Variants in TBC1D22A observed in about 807,000 individuals in gnomAD.
TBC1D22A encodes the protein putative GTPase activator.
In TBC1D22A, 38 loss-of-function variants were observed where a neutral mutation model predicts 60.2. The observed-to-expected ratio is 0.63, with a 90% CI of 0.49 to 0.83. The LOEUF (loss-of-function observed/expected upper bound fraction) is 0.83. TBC1D22A is among the 40% of genes least tolerant of loss of function. The pLI is 0.00. For missense variants in TBC1D22A, 628 were observed against 701.0 expected, an observed-to-expected ratio of 0.90 and a Z score of 1.18; for synonymous variants, 302 against 281.7, an observed-to-expected ratio of 1.07 and a Z score of -0.72.
intron 4 of TBC1D22A, among the ~76,000 whole-genome samples, chr22:46,841,849 C>G (rs978976161): frequency 1.3e-5 from 2 of 152,108 alleles, no homozygotes; most frequent in African/African-American, 4.8e-5. Context: ...TTACCACACA[C>G]GCACACAAGG....
intron 4 of TBC1D22A, among the ~76,000 whole-genome samples, chr22:46,862,506 T>C (rs1313860988): frequency 6.6e-6 from 1 of 152,202 alleles, no homozygotes; most frequent in African/African-American, 2.4e-5. Context: ...GCCTGCAACC[T>C]TGGTTGAAAA....
chr22:47,148,237 GACA>G (rs1387111172), intron 12 of TBC1D22A, among the ~76,000 whole-genome samples: 1 of 151,884 alleles, frequency 6.6e-6, no homozygotes, highest in African/African-American at 2.4e-5. Flanking sequence ...CTGCCATAGT[GACA>G]ACGTCTGGGG....
At chr22:47,139,466 C>G (rs1239361367) in intron 12 of TBC1D22A, among the ~76,000 whole-genome samples, 1 of 152,176 alleles carries the variant, frequency 6.6e-6, no homozygotes, top group African/African-American at 2.4e-5. Context: ...AGGGGCTGGT[C>G]GGGGCGGCCT....
intron 1 of TBC1D22A, among the ~76,000 whole-genome samples, chr22:46,790,191 G>C (rs754883265): frequency 2.8e-4 from 42 of 152,232 alleles, no homozygotes; most frequent in Non-Finnish European, 2.4e-4. Flanking sequence ...CGTTTTCCCT[G>C]CTCTCTCCAG....
intron 4 of TBC1D22A, among the ~76,000 whole-genome samples, chr22:46,827,458 G>A (rs575496928): frequency 6.6e-6 from 1 of 152,198 alleles, no homozygotes. Flanking sequence ...AGGCATTTCA[G>A]CCACCCAGAG....
intron 5 of TBC1D22A, among the ~76,000 whole-genome samples, chr22:46,885,754 C>T (rs770099912): frequency 4.6e-5 from 7 of 152,100 alleles, no homozygotes; most frequent in Non-Finnish European, 7.3e-5. Context: ...AGGAGCTCTG[C>T]GCCTGGCAAT....
At chr22:46,831,953 C>T (rs1404686469) in intron 4 of TBC1D22A, among the ~76,000 whole-genome samples, 1 of 123,770 alleles carries the variant, frequency 8.1e-6, no homozygotes, top group Non-Finnish European at 1.8e-5. Flanking sequence ...GTTGGAAGGT[C>T]CTTTCCCCCC....
intron 5 of TBC1D22A, among the ~76,000 whole-genome samples, chr22:46,890,998 G>A (rs1029733990): frequency 2.0e-5 from 3 of 152,200 alleles, no homozygotes; most frequent in African/African-American, 7.2e-5. Flanking sequence ...CTGTTGTCCA[G>A]GTGAGTGGGG....
intron 12 of TBC1D22A, among the ~76,000 whole-genome samples, chr22:47,164,835 C>G (rs895117461): frequency 2.6e-5 from 4 of 152,194 alleles, no homozygotes; most frequent in Non-Finnish European, 5.9e-5. Flanking sequence ...GAAGCGGATA[C>G]TTCATGTTGA....
At chr22:47,000,249 G>C (rs1048856775) in intron 10 of TBC1D22A, among the ~76,000 whole-genome samples, 3 of 152,068 alleles carry the variant, frequency 2.0e-5, no homozygotes, top group East Asian at 1.9e-4. Flanking sequence ...CGAGGATAAG[G>C]GCTCATCAGG....
At chr22:46,879,233 A>G (rs1024494489) in intron 5 of TBC1D22A, among the ~76,000 whole-genome samples, 1 of 149,346 alleles carries the variant, frequency 6.7e-6, no homozygotes, top group Non-Finnish European at 1.5e-5. Context: ...TCTGTGGTGG[A>G]GTGTGGAGTT....
rs1260389293 is a variant in TBC1D22A, at chr22:47,009,650, C to A, written c.1201+11941C>A. On this transcript the variant is annotated intron_variant, in intron 10 of 12. Coordinates refer to ENST00000337137, the MANE Select transcript of TBC1D22A (RefSeq NM_014346.5). This position sits in a 1 kb window ranked among gnomAD's most constrained non-coding sequence, Gnocchi z 5.8. ...ATCATTTCATCACCGTCATCATTAC[C>A]ATCATCACCATCATCATCACTATCA... Among the ~76,000 whole-genome samples the A allele has an allele frequency of 6.6e-6, 1 of 152,000 alleles. No homozygotes were observed. Among genetic ancestry groups the A allele is most frequent in the Non-Finnish European group, 1.5e-5 (1 of 68,022 alleles).
At chr22:47,164,331 G>A (rs1300141175) in intron 12 of TBC1D22A, among the ~76,000 whole-genome samples, 1 of 152,280 alleles carries the variant, frequency 6.6e-6, no homozygotes, top group African/African-American at 2.4e-5. Flanking sequence ...AGCAGGTCTT[G>A]TTAGGGAACT....
intron 8 of TBC1D22A, among the ~76,000 whole-genome samples, chr22:46,965,491 T>G (rs1405246736): frequency 6.6e-6 from 1 of 152,206 alleles, no homozygotes; most frequent in Non-Finnish European, 1.5e-5. Flanking sequence ...TCGGCGTGCT[T>G]TGTCAGATTG....
chr22:46,805,142 G>A (rs922204093), intron 4 of TBC1D22A, among the ~76,000 whole-genome samples: 7 of 152,160 alleles, frequency 4.6e-5, no homozygotes, highest in Non-Finnish European at 1.0e-4. Flanking sequence ...ATCCTCTCTT[G>A]GGCCGTGGCT....
At chr22:46,973,253 G>GCAC (rs1336416688) in intron 8 of TBC1D22A, among the ~76,000 whole-genome samples, 1 of 151,508 alleles carries the variant, frequency 6.6e-6, no homozygotes, top group Non-Finnish European at 1.5e-5. Context: ...GCTGCATCTG[G>GCAC]CACCCCCCTC....
chr22:47,071,753 T>C (rs1455134322), intron 11 of TBC1D22A, among the ~76,000 whole-genome samples: 1 of 152,166 alleles, frequency 6.6e-6, no homozygotes, highest in Non-Finnish European at 1.5e-5. Context: ...AATGAGCCAG[T>C]CCTAATAAAT....
chr22:46,792,892 C>T, intron 2 of TBC1D22A: 1 of 1,415,786 alleles, frequency 7.1e-7, no homozygotes. Context: ...CTTGTCCTTT[C>T]CCCTCCTCCT....
In TBC1D22A at chr22:46,812,300, C is replaced by T. The variant is rs553655521; in HGVS notation, c.637+14680C>T. Among the ~76,000 whole-genome samples the T allele has an allele frequency of 5.9e-5, 9 of 152,346 alleles. No homozygotes were observed. The East Asian group carries it at 1.7e-3, about 29-fold the overall frequency. Reference sequence around the variant, plus strand: ...CGCTGCCTCCTCCTGCCTGCTCGTTCCCTGGCACCAGCGCTGGCTTCTCTG... The same window carrying T: ...CGCTGCCTCCTCCTGCCTGCTCGTTTCCTGGCACCAGCGCTGGCTTCTCTG... On this transcript the variant is annotated intron_variant, in intron 4 of 12. Coordinates refer to ENST00000337137, the MANE Select transcript of TBC1D22A (RefSeq NM_014346.5).
Sources: gnomAD v4.1 joint callset for allele counts (sites outside exome capture counted in the v4.1 genomes callset) on GRCh38, gnomAD v4.1.1 for gene constraint, Gnocchi (gnomAD v3.1) non-coding constraint, MANE v1.5 for transcripts, NCBI Gene and HGNC (gene_info 2026-07-23, HGNC 2026-07-21) for gene names.